The following CNTLN variants were observed in gnomAD, a reference collection of about 807,000 sequenced individuals.
The protein encoded by CNTLN is centlein, centrosomal protein.
CNTLN carries 212 observed loss-of-function variants against 180.0 expected under a neutral mutation model. That is an observed-to-expected ratio of 1.18 (90% CI 1.05 to 1.32). CNTLN has a LOEUF of 1.32. Among genes scored for constraint, CNTLN ranks in the 40% most tolerant of loss-of-function variants. The pLI, the probability that CNTLN is intolerant of heterozygous loss-of-function variation, is 0.00. For missense variants in CNTLN, 2,095 were observed against 1,610.9 expected, an observed-to-expected ratio of 1.30 and a Z score of -5.14; for synonymous variants, 722 against 563.1, an observed-to-expected ratio of 1.28 and a Z score of -3.99.
chr9:17,390,207 C>T (rs372857310), intron 14 of CNTLN, among the ~76,000 whole-genome samples: 2 of 142,524 alleles, frequency 1.4e-5, no homozygotes, highest in African/African-American at 5.2e-5. Context: ...TAATATCAGG[C>T]ATTGTATTTC....
At chr9:17,336,073 C>G (rs1191615148) in intron 10 of CNTLN, among the ~76,000 whole-genome samples, 4 of 151,974 alleles carry the variant, frequency 2.6e-5, no homozygotes, top group Non-Finnish European at 5.9e-5. Context: ...TTGTGTGTAT[C>G]CTGTAGGAAA....
intron 2 of CNTLN, among the ~76,000 whole-genome samples, chr9:17,204,372 G>A (rs1327899467): frequency 6.6e-6 from 1 of 151,886 alleles, no homozygotes; most frequent in African/African-American, 2.4e-5. Context: ...TTTTTTTTAT[G>A]TGGGGGTCTT....
At chr9:17,468,187 A>C (rs1831855578) in intron 23 of CNTLN, among the ~76,000 whole-genome samples, 1 of 151,608 alleles carries the variant, frequency 6.6e-6, no homozygotes, top group South Asian at 2.1e-4. Flanking sequence ...GAACCTAAAC[A>C]TTGAGTACAC....
intron 2 of CNTLN, among the ~76,000 whole-genome samples, chr9:17,183,598 T>C (rs886200165): frequency 3.3e-5 from 5 of 152,094 alleles, no homozygotes; most frequent in African/African-American, 1.2e-4. Context: ...TAATAATCTT[T>C]GGCCATTCGG....
chr9:17,463,582 A>G (rs1831576985), intron 20 of CNTLN, among the ~76,000 whole-genome samples: 1 of 151,664 alleles, frequency 6.6e-6, no homozygotes, highest in Admixed American at 6.6e-5. Flanking sequence ...TACATTTGAG[A>G]TATATGTATC....
rs1037661445 is a variant in CNTLN at position 17,262,591 on chromosome 9, G to A, written c.850-11142G>A. Among the ~76,000 whole-genome samples, 44 of 151,550 alleles carry A rather than the reference G, an allele frequency of 2.9e-4. 3 individuals are homozygous for A. Among genetic ancestry groups the A allele is most frequent in the African/African-American group, 1.0e-3 (42 of 40,880 alleles). On this transcript the variant is annotated intron_variant, in intron 5 of 25. Coordinates refer to ENST00000380647, the MANE Select transcript of CNTLN (RefSeq NM_017738.4). ...GCCTGTTGTGGGGTAGTGGGGAAGG[G>A]GAGGGAGAGCATTACGACAAATACC... is the stretch of plus-strand genomic sequence containing the variant.
intron 13 of CNTLN, among the ~76,000 whole-genome samples, chr9:17,386,139 T>C (rs1357332288): frequency 6.6e-6 from 1 of 151,968 alleles, no homozygotes; most frequent in Non-Finnish European, 1.5e-5. Flanking sequence ...ACAATGATAA[T>C]AGATTTTTCA....
intron 5 of CNTLN, among the ~76,000 whole-genome samples, chr9:17,244,213 T>G (rs956364768): frequency 3.1e-5 from 4 of 131,134 alleles, no homozygotes; most frequent in Non-Finnish European, 6.4e-5. Context: ...TAGGTTTTTG[T>G]TTTTGTTTTT....
intron 2 of CNTLN, among the ~76,000 whole-genome samples, chr9:17,180,710 C>T (rs1323063618): frequency 6.6e-6 from 1 of 152,008 alleles, no homozygotes; most frequent in African/African-American, 2.4e-5. Flanking sequence ...TTTAGCTATA[C>T]TTTTTTGTTT....
chr9:17,311,743 A>T (rs370985441), intron 8 of CNTLN, among the ~76,000 whole-genome samples: 3 of 152,080 alleles, frequency 2.0e-5, no homozygotes, highest in Non-Finnish European at 2.9e-5. Flanking sequence ...TGGGAGGCGG[A>T]GGTTGCAGTG....
At chr9:17,369,491 C>T (rs1282132015) in intron 13 of CNTLN, among the ~76,000 whole-genome samples, 1 of 151,804 alleles carries the variant, frequency 6.6e-6, no homozygotes, top group African/African-American at 2.4e-5. Context: ...TTCCAAATAA[C>T]TGTTTTGAGG....
At chr9:17,340,199 G>A (rs1187814940) in intron 10 of CNTLN, among the ~76,000 whole-genome samples, 1 of 152,058 alleles carries the variant, frequency 6.6e-6, no homozygotes, top group African/African-American at 2.4e-5. Context: ...GTCTAACCTA[G>A]GTATTGACAC....
At chr9:17,174,382 T>C (rs1820589723) in intron 2 of CNTLN, among the ~76,000 whole-genome samples, 1 of 152,176 alleles carries the variant, frequency 6.6e-6, no homozygotes, top group South Asian at 2.1e-4. Context: ...GGCCATGTGA[T>C]TGTTATAGCC....
intron 6 of CNTLN, among the ~76,000 whole-genome samples, chr9:17,289,878 C>G (rs557398213): frequency 0.012 from 1,597 of 133,166 alleles, 78 homozygotes; most frequent in Middle Eastern, 0.019. Context: ...TTAAGCACTT[C>G]TCTGTATTGG....
chr9:17,293,933 G>T (rs533101142), intron 6 of CNTLN, among the ~76,000 whole-genome samples: 1 of 152,304 alleles, frequency 6.6e-6, no homozygotes, highest in South Asian at 2.1e-4. Context: ...TTCCCAGGCA[G>T]GGTAGTAGTG....
intron 23 of CNTLN, among the ~76,000 whole-genome samples, chr9:17,481,731 G>A (rs115439510): frequency 0.01 from 1,545 of 152,326 alleles, 29 homozygotes; most frequent in African/African-American, 0.035. Flanking sequence ...CATGGCCAAT[G>A]AGCATAGCCT....
chr9:17,347,195 T>A (rs145877946), intron 12 of CNTLN, among the ~76,000 whole-genome samples: 2,525 of 152,316 alleles, frequency 0.017, 75 homozygotes, highest in African/African-American at 0.058. Context: ...TTCCGACATG[T>A]GTTATATCAT....
At chr9:17,373,178 A>C (rs888105886) in intron 13 of CNTLN, among the ~76,000 whole-genome samples, 3 of 152,318 alleles carry the variant, frequency 2.0e-5, no homozygotes, top group Middle Eastern at 6.8e-3. Context: ...AATTAGGAAG[A>C]AGTCAAATTA....
intron 14 of CNTLN, among the ~76,000 whole-genome samples, chr9:17,390,484 T>C (rs1826657319): frequency 6.6e-6 from 1 of 152,018 alleles, no homozygotes; most frequent in Non-Finnish European, 1.5e-5. Flanking sequence ...GTTCAACTAA[T>C]CTGCCTGTCT....
Sources: allele counts gnomAD v4.1 joint callset (sites outside exome capture counted in the v4.1 genomes callset), GRCh38; gene constraint gnomAD v4.1.1; transcripts MANE v1.5; gene names NCBI Gene and HGNC (gene_info 2026-07-23, HGNC 2026-07-21).